Variants in PSORS1C1 observed in about 807,000 individuals in gnomAD.
PSORS1C1 encodes psoriasis susceptibility 1 candidate gene 1 protein.
In PSORS1C1, 7 loss-of-function variants were observed where a neutral mutation model predicts 9.4. That is an observed-to-expected ratio of 0.75 (90% confidence interval 0.42 to 1.40). The LOEUF (loss-of-function observed/expected upper bound fraction) is 1.40. Among genes scored for constraint, PSORS1C1 ranks in the 40% most tolerant of loss-of-function variants. The pLI is 0.01. For missense variants in PSORS1C1, 146 were observed against 178.1 expected, an observed-to-expected ratio of 0.82 and a Z score of 1.02; for synonymous variants, 63 against 69.4, an observed-to-expected ratio of 0.91 and a Z score of 0.46.
chr6:31,138,146 G>A (rs1344512185), intron 3 of PSORS1C1: 1 of 1,604,628 alleles, frequency 6.2e-7, no homozygotes, highest in South Asian at 1.1e-5. Flanking sequence ...GGTCTCTCCA[G>A]GGACGACTGG....
At chr6:31,117,537 G>A (rs1326059811) in intron 1 of PSORS1C1, 1 of 1,549,408 alleles carries the variant, frequency 6.5e-7, no homozygotes, top group Non-Finnish European at 8.7e-7. Flanking sequence ...TCCCTGTGGA[G>A]GAAAGCAGTG....
Position 31,138,480 on chromosome 6 carries a change from C to T in PSORS1C1, c.43+21C>T, listed in dbSNP as rs751225331. 2.2e-5 allele frequency: 36 copies of T among 1,611,628 alleles called. No individual in the cohort carries two copies. The Admixed American group carries it at 5.8e-4, about 26-fold the overall frequency. ...TCTCGGTAGGTTTGTAAATACTTAA[C>T]TGATGGTAAAATGTCATGAACCCCT... On this transcript the variant is annotated intron_variant, in intron 4 of 5. Coordinates refer to ENST00000259881, the MANE Select transcript of PSORS1C1 (RefSeq NM_014068.3).
chr6:31,122,601 C>G (rs1034907276), intron 1 of PSORS1C1, among the ~76,000 whole-genome samples: 7 of 147,022 alleles, frequency 4.8e-5, no homozygotes, highest in African/African-American at 1.8e-4. Flanking sequence ...CATGGCGAAA[C>G]CCCGTCTCTA....
intron 3 of PSORS1C1, among the ~76,000 whole-genome samples, chr6:31,134,721 C>T (rs1412503533): frequency 1.3e-5 from 2 of 152,218 alleles, no homozygotes; most frequent in Non-Finnish European, 2.9e-5. Context: ...TAACCCTGGT[C>T]GGATACTTGA....
intron 1 of PSORS1C1, chr6:31,117,525 G>T: frequency 6.5e-7 from 1 of 1,550,084 alleles, no homozygotes; most frequent in Non-Finnish European, 8.7e-7. Context: ...TCTTAGCCAA[G>T]GTCCCTGTGG....
At chr6:31,137,959 A>C in intron 3 of PSORS1C1, 1 of 1,483,250 alleles carries the variant, frequency 6.7e-7, no homozygotes, top group African/African-American at 1.4e-5. Flanking sequence ...CATTATCTGT[A>C]CTCTTCCCGG....
chr6:31,131,330 A>T (rs1428270503), intron 3 of PSORS1C1, among the ~76,000 whole-genome samples: 1 of 151,870 alleles, frequency 6.6e-6, no homozygotes, highest in African/African-American at 2.4e-5. Context: ...GCGGTGGCTT[A>T]TGCTTGTAAT....
chr6:31,129,520 GC>G, intron 2 of PSORS1C1, 48 bp from the exon 3 acceptor site: 1 of 750,576 alleles, frequency 1.3e-6, no homozygotes, highest in South Asian at 1.4e-5. Flanking sequence ...ATCTCCAATT[GC>G]CTCATGCCTC....
At chr6:31,137,660 G>A (rs1301696447) in intron 3 of PSORS1C1, 3 of 358,286 alleles carry the variant, frequency 8.4e-6, no homozygotes, top group Non-Finnish European at 1.5e-5. Flanking sequence ...GCGATCGCGC[G>A]GGCAGGAAGA....
At chr6:31,132,261 C>A (rs1264308762) in intron 3 of PSORS1C1, among the ~76,000 whole-genome samples, 2 of 152,092 alleles carry the variant, frequency 1.3e-5, no homozygotes, top group Non-Finnish European at 2.9e-5. Flanking sequence ...GTGGCTCATG[C>A]CTGTAATCTC....
In PSORS1C1 at chr6:31,139,003, C is replaced by T; in HGVS notation, c.167+224C>T. On this transcript the variant is annotated intron_variant, in intron 5 of 5. Transcript: ENST00000259881. The surrounding 1 kb of genome is among the most constrained non-coding windows in gnomAD (Gnocchi z 5.2). ...TGTGCAGGCAAAGGACCAGGATCCC[C>T]AGGAGCTTCCAGTTGAGGATCATGG... The T allele has an allele frequency of 6.2e-7, 1 of 1,614,120 alleles. No homozygotes were observed. The highest frequency in any genetic ancestry group is 8.5e-7 in the Non-Finnish European group (1 of 1,180,008).
At chr6:31,134,226 C>A (rs1310028811) in intron 3 of PSORS1C1, among the ~76,000 whole-genome samples, 1 of 152,010 alleles carries the variant, frequency 6.6e-6, no homozygotes, top group Non-Finnish European at 1.5e-5. Context: ...GGTAATCCAC[C>A]CGCCTCAGCC....
Position 31,120,489 on chromosome 6 carries a change from A to G in PSORS1C1, c.-228-5187A>G, listed in dbSNP as rs554319664. On this transcript the variant is annotated intron_variant, in intron 1 of 5. Coordinates refer to ENST00000259881, the MANE Select transcript of PSORS1C1 (RefSeq NM_014068.3). Reference sequence around the variant, plus strand: ...CGGGTCCTTTATGCCAGAGCTGGACATTCCCTGGGCAGGAGTCACTGTGGG... The same window carrying G: ...CGGGTCCTTTATGCCAGAGCTGGACGTTCCCTGGGCAGGAGTCACTGTGGG... The G allele has an allele frequency of 4.9e-5, 65 of 1,316,772 alleles. No individual in the cohort carries two copies. In the African/African-American group the frequency reaches 8.5e-4, roughly 17 times the overall value. The allele number at this position is 1,316,772 out of a possible 1,614,324, so 81.6% of individuals were successfully genotyped here. A position where few individuals can be genotyped will look rare whatever the true frequency, so the allele number is the denominator to read the frequency against.
intron 3 of PSORS1C1, among the ~76,000 whole-genome samples, chr6:31,135,607 C>T (rs1375252639): frequency 6.6e-6 from 1 of 152,186 alleles, no homozygotes; most frequent in Non-Finnish European, 1.5e-5. Context: ...AATATAATGC[C>T]ATAGAACTTT....
intron 3 of PSORS1C1, among the ~76,000 whole-genome samples, chr6:31,137,167 A>G (rs1363463364): frequency 7.4e-6 from 1 of 135,304 alleles, no homozygotes; most frequent in Admixed American, 7.6e-5. Context: ...AAAGAAAAAG[A>G]AGAAAGAGGC....
In PSORS1C1 at chr6:31,122,008, G is replaced by A. The variant is rs544686463; in HGVS notation, c.-228-3668G>A. ...GGGGCTGAGGGAGCTGTGGAGAGAG[G>A]AAGGGATAGGACAGGGTCCCCTGAA... On this transcript the variant is annotated intron_variant, in intron 1 of 5. Transcript: ENST00000259881. 5.9e-5 allele frequency among the ~76,000 whole-genome samples: 9 copies of A among 152,340 alleles called. No individual in the cohort carries two copies. In the South Asian group the frequency reaches 1.5e-3, roughly 25 times the overall value.
intron 1 of PSORS1C1, chr6:31,120,342 G>A (rs776880827): frequency 4.6e-5 from 73 of 1,582,352 alleles, no homozygotes; most frequent in Non-Finnish European, 6.1e-5. Flanking sequence ...TACCTGGCAG[G>A]AGGAGACCAG....
intron 1 of PSORS1C1, chr6:31,116,100 T>G (rs150111690): frequency 1.2e-6 from 2 of 1,611,848 alleles, no homozygotes; most frequent in African/African-American, 1.3e-5. Flanking sequence ...GAGGCTTCAC[T>G]TGGGCTAGGA....
chr6:31,135,630 C>G (rs886280135), intron 3 of PSORS1C1, among the ~76,000 whole-genome samples: 19 of 152,200 alleles, frequency 1.2e-4, no homozygotes, highest in African/African-American at 3.6e-4. Context: ...TATCTGTTAG[C>G]ATCCTTTTAA....
Sources: allele counts gnomAD v4.1 joint callset (sites outside exome capture counted in the v4.1 genomes callset), GRCh38; gene constraint gnomAD v4.1.1; non-coding constraint Gnocchi (gnomAD v3.1); transcripts MANE v1.5; gene names NCBI Gene and HGNC (gene_info 2026-07-23, HGNC 2026-07-21).